NSUN6: variants seen among roughly 807,000 people sequenced by gnomAD.
NSUN6 encodes the protein NOP2/Sun RNA methyltransferase 6.
Under a neutral mutation model 58.0 loss-of-function variants are expected in NSUN6, and 64 were observed. That is an observed-to-expected ratio of 1.10 (90% CI 0.90 to 1.36). The LOEUF is 1.36. Among genes scored for constraint, NSUN6 ranks in the 40% most tolerant of loss-of-function variants. The pLI is 0.00. For synonymous variants in NSUN6, 231 were observed against 193.9 expected, an observed-to-expected ratio of 1.19 and a Z score of -1.59; for missense variants, 701 against 550.1, an observed-to-expected ratio of 1.27 and a Z score of -2.74.
At chr10:18,635,476 G>GA (rs942449290) in intron 3 of NSUN6, among the ~76,000 whole-genome samples, 1 of 152,032 alleles carries the variant, frequency 6.6e-6, no homozygotes, top group African/African-American at 2.4e-5. Context: ...GAAAAGGTAA[G>GA]AAAAAATATT....
At chr10:18,605,132 G>A (rs1453899856) in intron 6 of NSUN6, among the ~76,000 whole-genome samples, 2 of 150,512 alleles carry the variant, frequency 1.3e-5, no homozygotes, top group African/African-American at 2.4e-5. Flanking sequence ...TAATCCGCCC[G>A]TCTCGGCCTC....
At chr10:18,637,575 A>G (rs1259081339) in intron 3 of NSUN6, among the ~76,000 whole-genome samples, 1 of 152,250 alleles carries the variant, frequency 6.6e-6, no homozygotes, top group Non-Finnish European at 1.5e-5. Flanking sequence ...TAATCTGGTA[A>G]TATGTCTCCA....
intron 3 of NSUN6, among the ~76,000 whole-genome samples, chr10:18,637,588 T>G (rs2059260480): frequency 6.6e-6 from 1 of 152,224 alleles, no homozygotes; most frequent in African/African-American, 2.4e-5. Flanking sequence ...TGTCTCCAAC[T>G]AAAATAAGCA....
chr10:18,647,364 A>G (rs745535582), intron 2 of NSUN6, among the ~76,000 whole-genome samples: 9 of 152,236 alleles, frequency 5.9e-5, no homozygotes, highest in Non-Finnish European at 1.2e-4. Context: ...GTTACCAGTC[A>G]GTGAATAACT....
At chr10:18,623,149 C>T (rs966854331) in intron 3 of NSUN6, among the ~76,000 whole-genome samples, 1 of 152,056 alleles carries the variant, frequency 6.6e-6, no homozygotes, top group African/African-American at 2.4e-5. Context: ...TTTTAAATTT[C>T]ATTTGAAATT....
At chr10:18,636,189 C>T (rs555019374) in intron 3 of NSUN6, among the ~76,000 whole-genome samples, 5 of 151,958 alleles carry the variant, frequency 3.3e-5, no homozygotes, top group South Asian at 2.1e-4. Flanking sequence ...AGGTAACCTT[C>T]GGCAAAGGGC....
chr10:18,656,094 T>C (rs1264542156), upstream of NSUN6, among the ~76,000 whole-genome samples: 3 of 152,232 alleles, frequency 2.0e-5, no homozygotes, highest in East Asian at 5.8e-4. Flanking sequence ...TTATATTACT[T>C]ACAGCATCAA....
upstream of NSUN6, chr10:18,651,798 G>A (rs561544225): frequency 1.2e-4 from 118 of 985,438 alleles, no homozygotes; most frequent in Middle Eastern, 1.0e-3. Flanking sequence ...GGCAGACCCC[G>A]CGGGCGGGAT....
intron 8 of NSUN6, among the ~76,000 whole-genome samples, chr10:18,566,048 C>A (rs866490719): frequency 6.6e-6 from 1 of 151,564 alleles, no homozygotes; most frequent in Non-Finnish European, 1.5e-5. Flanking sequence ...CCACTCTATT[C>A]CATTCTCCAT....
At chr10:18,546,351 G>A (rs897230959) in intron 10 of NSUN6, among the ~76,000 whole-genome samples, 1 of 152,156 alleles carries the variant, frequency 6.6e-6, no homozygotes, top group African/African-American at 2.4e-5. Context: ...GTCACCTGAT[G>A]AACAAATACC....
At chr10:18,553,329 T>C (rs980897158) in intron 8 of NSUN6, among the ~76,000 whole-genome samples, 1 of 150,852 alleles carries the variant, frequency 6.6e-6, no homozygotes, top group Non-Finnish European at 1.5e-5. Flanking sequence ...GGGAATGGTA[T>C]GGAATGAAAT....
intron 8 of NSUN6, among the ~76,000 whole-genome samples, chr10:18,553,454 G>C (rs929085359): frequency 1.3e-5 from 2 of 151,400 alleles, no homozygotes; most frequent in Admixed American, 6.6e-5. Context: ...GAAATGGAAT[G>C]GAATGGAGAA....
chr10:18,554,841 G>A (rs2054866226), intron 8 of NSUN6, among the ~76,000 whole-genome samples: 1 of 151,324 alleles, frequency 6.6e-6, no homozygotes, highest in Non-Finnish European at 1.5e-5. Flanking sequence ...AAAACGGCAT[G>A]GAATGGAATG....
chr10:18,629,459 C>G (rs991930925), intron 3 of NSUN6, among the ~76,000 whole-genome samples: 1 of 150,040 alleles, frequency 6.7e-6, no homozygotes, highest in Non-Finnish European at 1.5e-5. Flanking sequence ...CACAGACTGG[C>G]AAATTGGATA....
Position 18,651,190 on chromosome 10 carries a change from G to A in NSUN6, c.14C>T (p.Pro5Leu), listed in dbSNP as rs747650211. MSIF[P>L]KISLRPEVEN... The stretch of plus-strand genomic sequence containing the variant: ...AACCTCAGGTCTCAAAGATATCTTA[G>A]GGAAAATAGACATTTTTCCTGTTGT... The change falls in exon 1 of 11, where the codon CCT (proline) becomes CTT (leucine). Residue 5 changes from proline to leucine, a missense_variant. Physicochemically the swap from Pro to Leu is moderately conservative, Grantham distance 98. Transcript: ENST00000377304. 1.3e-6 allele frequency: 2 copies of A among 1,567,976 alleles called. No homozygotes were observed. Among genetic ancestry groups the A allele is most frequent in the South Asian group, 1.2e-5 (1 of 83,358 alleles).
At chr10:18,573,735 A>C (rs971749750) in intron 8 of NSUN6, among the ~76,000 whole-genome samples, 1 of 152,144 alleles carries the variant, frequency 6.6e-6, no homozygotes, top group African/African-American at 2.4e-5. Context: ...AGAAAGCTTC[A>C]GTATGTAAAG....
chr10:18,573,315 T>A (rs62636218), intron 8 of NSUN6, among the ~76,000 whole-genome samples: 52,368 of 151,428 alleles, frequency 0.35, 9,624 homozygotes, highest in East Asian at 0.73. Context: ...TTCCATTCCA[T>A]TCTCCATTCC....
intron 4 of NSUN6, among the ~76,000 whole-genome samples, chr10:18,615,564 T>A (rs983125018): frequency 6.6e-6 from 1 of 152,190 alleles, no homozygotes; most frequent in Non-Finnish European, 1.5e-5. Flanking sequence ...GGGCCACACA[T>A]AAACAGACAT....
intron 7 of NSUN6, among the ~76,000 whole-genome samples, chr10:18,588,451 A>C (rs977708404): frequency 2.0e-5 from 3 of 152,216 alleles, no homozygotes; most frequent in Admixed American, 2.0e-4. Flanking sequence ...GATTGCCTCA[A>C]GTGGGTCCCT....
Sources: gnomAD v4.1 joint callset for allele counts (sites outside exome capture counted in the v4.1 genomes callset) on GRCh38, gnomAD v4.1.1 for gene constraint, MANE v1.5 for transcripts, NCBI Gene and HGNC (gene_info 2026-07-23, HGNC 2026-07-21) for gene names.